MSH4: variants seen among roughly 807,000 people sequenced by gnomAD.
MSH4 encodes mutS homolog 4, also known as mutS protein homolog 4.
A neutral mutation model predicts 113.7 loss-of-function variants in MSH4; 106 were observed. That is an observed-to-expected ratio of 0.93 (90% CI 0.80 to 1.10). The LOEUF (loss-of-function observed/expected upper bound fraction) is 1.10, where lower values mean the gene tolerates loss of function less well. MSH4 is among the 50% of genes least tolerant of loss of function. The pLI is 0.00. For missense variants in MSH4, 1,061 were observed against 1,093.7 expected (o/e 0.97, Z 0.42); for synonymous variants, 368 against 380.2 (o/e 0.97, Z 0.37).
At chr1:75,862,344 A>G (rs998443137) in intron 8 of MSH4, among the ~76,000 whole-genome samples, 43 of 152,196 alleles carry the variant, frequency 2.8e-4, no homozygotes, top group African/African-American at 9.9e-4. Flanking sequence ...TTGGAAATGC[A>G]GTAATCACCC....
At chr1:75,903,589 T>A (rs1402748024) in intron 19 of MSH4, among the ~76,000 whole-genome samples, 2 of 152,216 alleles carry the variant, frequency 1.3e-5, no homozygotes, top group East Asian at 3.9e-4. Context: ...ATAGGGATTG[T>A]ATTGAATCTA....
At chr1:75,890,246 G>A (rs925605954) in intron 16 of MSH4, among the ~76,000 whole-genome samples, 2 of 151,952 alleles carry the variant, frequency 1.3e-5, no homozygotes, top group African/African-American at 4.8e-5. Context: ...CAAGACTTAG[G>A]TATTTTTTCT....
At chr1:75,835,179 A>G (rs1650801603) in intron 7 of MSH4, among the ~76,000 whole-genome samples, 1 of 152,216 alleles carries the variant, frequency 6.6e-6, no homozygotes, top group Non-Finnish European at 1.5e-5. Flanking sequence ...GAAGGCATTT[A>G]CTACCTGAGT....
chr1:75,837,105 A>G (rs914370175), intron 7 of MSH4, among the ~76,000 whole-genome samples: 2 of 152,150 alleles, frequency 1.3e-5, no homozygotes, highest in African/African-American at 4.8e-5. Flanking sequence ...TGGTTACACA[A>G]GGGTAGCCAG....
intron 1 of MSH4, among the ~76,000 whole-genome samples, chr1:75,798,203 C>G (rs1557485964): frequency 6.6e-6 from 1 of 152,178 alleles, no homozygotes; most frequent in Non-Finnish European, 1.5e-5. Context: ...CTCAAGTGCT[C>G]CTGCCTCGGT....
chr1:75,891,958 C>T (rs1652266170), intron 17 of MSH4, among the ~76,000 whole-genome samples: 1 of 152,134 alleles, frequency 6.6e-6, no homozygotes, highest in Non-Finnish European at 1.5e-5. Flanking sequence ...GTCAGTTTGA[C>T]TGGGCCACAG....
At chr1:75,851,752 TAA>T (rs1312293708) in intron 8 of MSH4, among the ~76,000 whole-genome samples, 1 of 152,198 alleles carries the variant, frequency 6.6e-6, no homozygotes, top group Admixed American at 6.5e-5. Context: ...ACATATGATA[TAA>T]GAGCCTTGCA....
chr1:75,822,712 T>C (rs1650449337), intron 7 of MSH4, 131 bp downstream of exon 7: 1 of 479,038 alleles, frequency 2.1e-6, no homozygotes, highest in Non-Finnish European at 3.4e-6. Flanking sequence ...GAAAATATTT[T>C]CCTGAAATTT....
At chr1:75,836,648 A>C (rs1570958637) in intron 7 of MSH4, among the ~76,000 whole-genome samples, 1 of 152,294 alleles carries the variant, frequency 6.6e-6, no homozygotes, top group East Asian at 1.9e-4. Flanking sequence ...TTATTTGAAT[A>C]AGAGAAATGT....
At chr1:75,829,405 A>G (rs1650632785) in intron 7 of MSH4, among the ~76,000 whole-genome samples, 1 of 152,200 alleles carries the variant, frequency 6.6e-6, no homozygotes, top group Admixed American at 6.5e-5. Flanking sequence ...TGCAGACTTA[A>G]ACATCCCTGT....
intron 7 of MSH4, among the ~76,000 whole-genome samples, chr1:75,836,978 A>ATTT (rs1397970255): frequency 1.3e-5 from 2 of 152,306 alleles, no homozygotes; most frequent in African/African-American, 4.8e-5. Flanking sequence ...TTGGACTCAA[A>ATTT]TATCTTATTG....
chr1:75,897,416 A>G (rs1404623958), intron 17 of MSH4, among the ~76,000 whole-genome samples: 1 of 152,158 alleles, frequency 6.6e-6, no homozygotes, highest in East Asian at 1.9e-4. Context: ...CTAAAAACTA[A>G]AAACTTTTGG....
intron 19 of MSH4, among the ~76,000 whole-genome samples, chr1:75,902,192 T>C (rs968775510): frequency 1.3e-5 from 2 of 152,058 alleles, no homozygotes; most frequent in African/African-American, 4.8e-5. Context: ...CCACATTGCC[T>C]ATTTTTTGTT....
intron 8 of MSH4, among the ~76,000 whole-genome samples, chr1:75,848,908 G>C (rs2100546564): frequency 6.6e-6 from 1 of 152,216 alleles, no homozygotes; most frequent in Non-Finnish European, 1.5e-5. Flanking sequence ...TGATCATTAT[G>C]TGAAGTTTGA....
chr1:75,884,154 G>C (rs1652002778), intron 15 of MSH4, among the ~76,000 whole-genome samples: 4 of 152,090 alleles, frequency 2.6e-5, no homozygotes, highest in African/African-American at 7.2e-5. Context: ...TTTGTTGTGA[G>C]AAAAAGTGAA....
chr1:75,836,141 A>T (rs961846663), intron 7 of MSH4, among the ~76,000 whole-genome samples: 1 of 152,110 alleles, frequency 6.6e-6, no homozygotes, highest in Admixed American at 6.6e-5. Flanking sequence ...AATATAACTT[A>T]AACTCCAGAA....
intron 7 of MSH4, among the ~76,000 whole-genome samples, chr1:75,847,877 A>G (rs5745408): frequency 3.3e-5 from 5 of 152,128 alleles, no homozygotes; most frequent in African/African-American, 1.2e-4. Context: ...AATGTTTTCC[A>G]CTAGACTCCA....
intron 16 of MSH4, among the ~76,000 whole-genome samples, chr1:75,889,890 A>T (rs545585783): frequency 6.6e-6 from 1 of 152,196 alleles, no homozygotes; most frequent in South Asian, 2.1e-4. Flanking sequence ...ATTTAGGATC[A>T]CTGTTTAGTT....
At chr1:75,894,770 C>T (rs1004835681) in intron 17 of MSH4, among the ~76,000 whole-genome samples, 1 of 152,160 alleles carries the variant, frequency 6.6e-6, no homozygotes, top group East Asian at 1.9e-4. Context: ...ACTGTGTTTA[C>T]CAACCATCTT....
Sources: allele counts gnomAD v4.1 joint callset (sites outside exome capture counted in the v4.1 genomes callset), GRCh38; gene constraint gnomAD v4.1.1; transcripts MANE v1.5; gene names NCBI Gene and HGNC (gene_info 2026-07-23, HGNC 2026-07-21).